Variants in GLT8D2 observed in about 807,000 individuals in gnomAD.
GLT8D2 encodes glycosyltransferase 8 domain containing 2, also known as glycosyltransferase 8 domain-containing protein 2.
GLT8D2 carries 45 observed loss-of-function variants against 44.5 expected under a neutral mutation model. The ratio of observed to expected loss-of-function variants is 1.01; its 90% CI spans 0.80 to 1.30. The LOEUF (loss-of-function observed/expected upper bound fraction) is 1.30. Among genes scored for constraint, GLT8D2 ranks in the 50% most tolerant of loss-of-function variants. The pLI is 0.00. For synonymous variants in GLT8D2, 156 were observed against 157.2 expected (o/e 0.99, Z 0.06); for missense variants, 400 against 430.4 (o/e 0.93, Z 0.62).
chr12:104,046,027 A>C lies in GLT8D2; in HGVS notation c.-164+3868T>G, dbSNP rs189108008. Among the ~76,000 whole-genome samples, 260 of 152,314 alleles carry C rather than the reference A, an allele frequency of 1.7e-3. 1 individual carries two copies. Among genetic ancestry groups the C allele is most frequent in the Middle Eastern group, 6.8e-3 (2 of 294 alleles). ...CCATGGTTATAGTATGGTAGGGAGT[A>C]ATAGGAAATGACTGGGAATCAAAAA... On this transcript the variant is annotated intron_variant, in intron 1 of 10. Transcript: ENST00000360814.
upstream of GLT8D2, among the ~76,000 whole-genome samples, chr12:104,051,610 C>T (rs1206794469): frequency 2.0e-5 from 3 of 152,262 alleles, no homozygotes; most frequent in East Asian, 5.8e-4. Flanking sequence ...TCAATATCCT[C>T]CTTCTAGCTC....
chr12:104,014,805 ACT>A lies in GLT8D2; in HGVS notation c.112+206_112+207del, dbSNP rs1876343857. ...TGTGTTTTAACAAGCTCTCCATGTGACTCTCACACATGCTAAAGTTTGAATAG... is the reference window on the plus strand; with the variant it reads ...TGTGTTTTAACAAGCTCTCCATGTGACTCACACATGCTAAAGTTTGAATAG... On this transcript the variant is annotated intron_variant, in intron 4 of 10. Transcript: ENST00000360814. Among the ~76,000 whole-genome samples the A allele has an allele frequency of 2.6e-5, 4 of 152,092 alleles. No homozygotes were observed. In the South Asian group the frequency reaches 8.3e-4, roughly 32 times the overall value.
chr12:104,021,924 GAAGAAGAA>G lies in GLT8D2; in HGVS notation c.-163-441_-163-434del, dbSNP rs1216890947. Among the ~76,000 whole-genome samples, 204 of 27,282 alleles carry G rather than the reference GAAGAAGAA, an allele frequency of 7.5e-3. 13 individuals are homozygous for G. The East Asian group carries it at 0.12, about 15-fold the overall frequency. 17.9% of individuals were successfully genotyped at this position (27,282 alleles called of 152,430 possible). ...AGAAGAAGAAGAAGAAGAAGAAGAA[GAAGAAGAA>G]GAAGAAGAAGAAGAAGAAGAAGAGG... is the stretch of plus-strand genomic sequence containing the variant. On this transcript the variant is annotated intron_variant, in intron 1 of 10. Transcript: ENST00000360814.
chr12:104,030,804 T>A, intron 1 of GLT8D2: 3 of 1,609,166 alleles, frequency 1.9e-6, no homozygotes, highest in Non-Finnish European at 2.5e-6. Context: ...CTGGTGCTGA[T>A]CCGGCACGGC....
intron 1 of GLT8D2, among the ~76,000 whole-genome samples, chr12:104,032,879 A>AT (rs35467561): frequency 0.56 from 79,638 of 142,950 alleles, 22,272 homozygotes; most frequent in East Asian, 0.71. Flanking sequence ...TTGCAGCACT[A>AT]TTTTTTTTTT....
At chr12:103,991,172 C>T (rs1872703380) in intron 10 of GLT8D2, among the ~76,000 whole-genome samples, 1 of 152,086 alleles carries the variant, frequency 6.6e-6, no homozygotes, top group Non-Finnish European at 1.5e-5. Context: ...TCCTACTTGT[C>T]AGTAAAGTGG....
chr12:104,024,031 A>G (rs1878244967), intron 1 of GLT8D2, among the ~76,000 whole-genome samples: 1 of 152,164 alleles, frequency 6.6e-6, no homozygotes, highest in Non-Finnish European at 1.5e-5. Flanking sequence ...GAGGGTAACT[A>G]CCTAGAAGTG....
intron 3 of GLT8D2, among the ~76,000 whole-genome samples, chr12:104,016,637 A>C (rs1876636146): frequency 6.7e-6 from 1 of 149,762 alleles, no homozygotes; most frequent in South Asian, 2.1e-4. Flanking sequence ...CTGTCAAAAA[A>C]GAAAGAAGGA....
At chr12:104,015,393 A>ACAC (rs565529120) in intron 3 of GLT8D2, among the ~76,000 whole-genome samples, 2 of 126,100 alleles carry the variant, frequency 1.6e-5, no homozygotes, top group South Asian at 2.7e-4. Context: ...AACAACAACA[A>ACAC]ACACACACAC....
At chr12:104,025,176 A>G (rs370205662) in intron 1 of GLT8D2, among the ~76,000 whole-genome samples, 1 of 152,144 alleles carries the variant, frequency 6.6e-6, no homozygotes, top group South Asian at 2.1e-4. Flanking sequence ...GCAGAGCAAA[A>G]GTATTTAATT....
rs57178471 is a variant in GLT8D2 at position 103,990,078 on chromosome 12, AATATAT to A, written c.881-507_881-502del. 6.1e-3 allele frequency among the ~76,000 whole-genome samples: 742 copies of A among 121,864 alleles called. 1 individual carries two copies. The highest frequency in any genetic ancestry group is 8.2e-3 in the Non-Finnish European group (468 of 56,890). The allele number at this position is 121,864 out of a possible 152,430, so 79.9% of individuals were successfully genotyped here. ...TATGTATGTCTAGTGTATGTGTACAAATATATATATATATATATATATATATATATA... is the reference window on the plus strand; with the variant it reads ...TATGTATGTCTAGTGTATGTGTACAAATATATATATATATATATATATATA... On this transcript the variant is annotated intron_variant, in intron 10 of 10. Coordinates refer to ENST00000360814, the MANE Select transcript of GLT8D2 (RefSeq NM_001384711.1).
At chr12:104,038,407 GC>G (rs1322325242) in intron 1 of GLT8D2, among the ~76,000 whole-genome samples, 2 of 152,186 alleles carry the variant, frequency 1.3e-5, no homozygotes, top group Non-Finnish European at 2.9e-5. Context: ...CATCGTCTCA[GC>G]CCATAATCTC....
Position 104,060,549 on chromosome 12 carries a change from T to C in GLT8D2, c.-423+3400A>G, listed in dbSNP as rs543266490. Among the ~76,000 whole-genome samples, 6 of 152,324 alleles carry C rather than the reference T, an allele frequency of 3.9e-5. No individual in the cohort carries two copies. The East Asian group carries it at 1.2e-3, about 29-fold the overall frequency. On this transcript the variant is annotated intron_variant, in intron 1 of 10. Transcript: ENST00000548660. The stretch of plus-strand genomic sequence containing the variant: ...CTATGAATATGACTTTATTTGGATA[T>C]GGGATCCTTGCTGATATAATCAAGT...
In GLT8D2 at chr12:103,994,271, G is replaced by A; in HGVS notation, c.767+64C>T. On this transcript the variant is annotated intron_variant, in intron 9 of 10. Coordinates refer to ENST00000360814, the MANE Select transcript of GLT8D2 (RefSeq NM_001384711.1). ...TATTTCTAACCCTTGAACTATGTGT[G>A]GAAAATTAATTGAATGATTTTGTTT... 3.4e-6 allele frequency: 5 copies of A among 1,475,486 alleles called. No individual in the cohort carries two copies. In the South Asian group the frequency reaches 6.6e-5, roughly 19 times the overall value. 91.4% of individuals were successfully genotyped at this position (1,475,486 alleles called of 1,614,324 possible). A position where few individuals can be genotyped will look rare whatever the true frequency, so the allele number is the denominator to read the frequency against.
chr12:104,059,137 G>A (rs1300255605), intron 1 of GLT8D2, among the ~76,000 whole-genome samples: 1 of 152,206 alleles, frequency 6.6e-6, no homozygotes, highest in East Asian at 1.9e-4. Context: ...CTGTGGGTAA[G>A]TGAAACCATG....
At chr12:104,034,534 A>G (rs978408805) in intron 1 of GLT8D2, among the ~76,000 whole-genome samples, 4 of 152,244 alleles carry the variant, frequency 2.6e-5, no homozygotes, top group African/African-American at 9.6e-5. Context: ...AGCCTTGCTC[A>G]CTGCTAGCGC....
intron 1 of GLT8D2, among the ~76,000 whole-genome samples, chr12:104,057,695 C>T (rs555743298): frequency 6.6e-6 from 1 of 152,218 alleles, no homozygotes; most frequent in South Asian, 2.1e-4. Context: ...TAATTTTTCC[C>T]ACTGATAATT....
At chr12:104,028,908 G>T (rs1878899424) in intron 1 of GLT8D2, among the ~76,000 whole-genome samples, 1 of 151,862 alleles carries the variant, frequency 6.6e-6, no homozygotes, top group Non-Finnish European at 1.5e-5. Flanking sequence ...GAACTGCCCT[G>T]GTCTCTTCAA....
chr12:104,062,641 C>G (rs1349503443), intron 1 of GLT8D2, among the ~76,000 whole-genome samples: 1 of 151,956 alleles, frequency 6.6e-6, no homozygotes, highest in Non-Finnish European at 1.5e-5. Context: ...TCTTATTTAT[C>G]TCTCTTTAAT....
Sources: gnomAD v4.1 joint callset for allele counts (sites outside exome capture counted in the v4.1 genomes callset) on GRCh38, gnomAD v4.1.1 for gene constraint, MANE v1.5 for transcripts, NCBI Gene and HGNC (gene_info 2026-07-23, HGNC 2026-07-21) for gene names.